Variants in GLIS3 observed in about 807,000 individuals in gnomAD.
The protein encoded by GLIS3 is zinc finger protein GLIS3.
Under a neutral mutation model 78.6 loss-of-function variants are expected in GLIS3, and 53 were observed. The ratio of observed to expected loss-of-function variants is 0.67; its 90% confidence interval spans 0.54 to 0.85. The LOEUF (loss-of-function observed/expected upper bound fraction) is 0.85. Among genes scored for constraint, GLIS3 ranks in the 40% least tolerant of loss-of-function variants. The pLI, the probability that GLIS3 is intolerant of heterozygous loss-of-function variation, is 0.00. For missense variants in GLIS3, 1,703 were observed against 1,231.1 expected (o/e 1.38, Z -5.74); for synonymous variants, 684 against 509.9 (o/e 1.34, Z -4.60).
At chr9:4,211,098 C>G (rs1476896269) in intron 2 of GLIS3, among the ~76,000 whole-genome samples, 3 of 152,218 alleles carry the variant, frequency 2.0e-5, no homozygotes, top group Non-Finnish European at 2.9e-5. Context: ...CCTTGAGCAT[C>G]TGCACCATCC....
At chr9:4,368,656 A>G in the GLIS3 span, among the ~76,000 whole-genome samples, 4 of 152,156 alleles carry the variant, frequency 2.6e-5, no homozygotes, top group Non-Finnish European at 4.4e-5. Context: ...CGGCCTGCAC[A>G]AGACCCCTCT....
chr9:4,304,215 G>A (rs1211590849), upstream of GLIS3, among the ~76,000 whole-genome samples: 1 of 152,188 alleles, frequency 6.6e-6, no homozygotes, highest in Non-Finnish European at 1.5e-5. Context: ...CTTTGAATGT[G>A]TGCAAACCAC....
intron 6 of GLIS3, among the ~76,000 whole-genome samples, chr9:3,918,114 T>C (rs1824642334): frequency 6.6e-6 from 1 of 152,202 alleles, no homozygotes; most frequent in Non-Finnish European, 1.5e-5. Flanking sequence ...ACTGGCAAGA[T>C]AGAGTCATGT....
intron 2 of GLIS3, chr9:4,285,719 G>A: frequency 2.7e-6 from 1 of 365,464 alleles, no homozygotes; most frequent in Admixed American, 3.8e-5. Context: ...GTATCCGGAG[G>A]GCATGATCTT....
At chr9:4,134,535 T>C (rs1833249516) in intron 2 of GLIS3, among the ~76,000 whole-genome samples, 1 of 152,212 alleles carries the variant, frequency 6.6e-6, no homozygotes, top group Middle Eastern at 3.2e-3. Context: ...AATAATACTA[T>C]ACACCCTACA....
intron 4 of GLIS3, among the ~76,000 whole-genome samples, chr9:4,016,100 G>A (rs561406642): frequency 2.0e-5 from 3 of 152,156 alleles, no homozygotes; most frequent in Non-Finnish European, 2.9e-5. Context: ...CTCTGCATAA[G>A]TCATCAAATG....
chr9:3,977,323 C>A lies in GLIS3; in HGVS notation c.1711-40134G>T, dbSNP rs945207805. Among the ~76,000 whole-genome samples the A allele has an allele frequency of 3.9e-5, 6 of 152,172 alleles. No individual in the cohort carries two copies. Among genetic ancestry groups the A allele is most frequent in the Non-Finnish European group, 8.8e-5 (6 of 68,030 alleles). ...GAGGAAAGCTCTTGGCTCTATCAGCCTTGCCATCTCTTTGTAGCAGAATAA... is the reference window on the plus strand; with the variant it reads ...GAGGAAAGCTCTTGGCTCTATCAGCATTGCCATCTCTTTGTAGCAGAATAA... On this transcript the variant is annotated intron_variant, in intron 4 of 10. Coordinates refer to ENST00000381971, the MANE Select transcript of GLIS3 (RefSeq NM_001042413.2). The surrounding 1 kb of genome is among the most constrained non-coding windows in gnomAD (Gnocchi z 4.1).
At chr9:4,326,571 C>G (rs1817603773) in intron 2 of GLIS3, among the ~76,000 whole-genome samples, 1 of 152,040 alleles carries the variant, frequency 6.6e-6, no homozygotes, top group African/African-American at 2.4e-5. Flanking sequence ...TTTATAGGTA[C>G]AGAGTTCCAG....
chr9:4,308,016 C>T (rs560412664), intron 4 of GLIS3, among the ~76,000 whole-genome samples: 1 of 152,136 alleles, frequency 6.6e-6, no homozygotes, highest in Non-Finnish European at 1.5e-5. Flanking sequence ...CTCCCTTCTC[C>T]CCCAGAACCA....
chr9:4,471,199 C>G, the GLIS3 span, among the ~76,000 whole-genome samples: 3 of 152,172 alleles, frequency 2.0e-5, no homozygotes, highest in South Asian at 2.1e-4. Context: ...TTTATAGATT[C>G]AATGCCATCC....
At chr9:4,143,169 C>G (rs1833936104) in intron 2 of GLIS3, among the ~76,000 whole-genome samples, 1 of 152,048 alleles carries the variant, frequency 6.6e-6, no homozygotes, top group Non-Finnish European at 1.5e-5. Context: ...CACTGTGAAA[C>G]AATTACCACA....
the GLIS3 span, among the ~76,000 whole-genome samples, chr9:4,477,254 G>C: frequency 1.5e-4 from 23 of 151,756 alleles, no homozygotes; most frequent in African/African-American, 5.6e-4. Flanking sequence ...ATTCTGACAC[G>C]AGTTTCAACA....
intron 2 of GLIS3, among the ~76,000 whole-genome samples, chr9:4,320,156 C>T (rs148578569): frequency 3.3e-5 from 5 of 152,296 alleles, no homozygotes; most frequent in Admixed American, 3.3e-4. Flanking sequence ...AGCCACCCCA[C>T]TTTTGACATG....
At chr9:3,902,664 A>T (rs747475478) in intron 6 of GLIS3, among the ~76,000 whole-genome samples, 8 of 152,156 alleles carry the variant, frequency 5.3e-5, no homozygotes, top group Non-Finnish European at 8.8e-5. Context: ...TAGGTCTGCG[A>T]TGCGTTTCTA....
At chr9:3,920,685 A>G (rs1238030778) in intron 6 of GLIS3, among the ~76,000 whole-genome samples, 1 of 151,852 alleles carries the variant, frequency 6.6e-6, no homozygotes, top group Non-Finnish European at 1.5e-5. Context: ...AGTACACAGA[A>G]ATGAAATCCG....
intron 9 of GLIS3, among the ~76,000 whole-genome samples, chr9:3,836,826 C>T (rs1236966487): frequency 6.6e-6 from 1 of 152,174 alleles, no homozygotes; most frequent in African/African-American, 2.4e-5. Flanking sequence ...CCACCGCTCA[C>T]CACCATCCCC....
At chr9:4,049,110 A>G (rs4741881) in intron 4 of GLIS3, among the ~76,000 whole-genome samples, 63,387 of 151,962 alleles carry the variant, frequency 0.42, 14,220 homozygotes, top group African/African-American at 0.57. Context: ...TATCACACAA[A>G]CACACAATGC....
intron 4 of GLIS3, among the ~76,000 whole-genome samples, chr9:4,065,014 A>G (rs183219900): frequency 1.3e-3 from 193 of 152,276 alleles, no homozygotes; most frequent in African/African-American, 4.5e-3. Flanking sequence ...ACTGTTACTA[A>G]TTTTTTAGAA....
intron 2 of GLIS3, among the ~76,000 whole-genome samples, chr9:4,279,708 T>C (rs904840467): frequency 0.017 from 1 of 60 alleles, no homozygotes; most frequent in Non-Finnish European, 0.031. Flanking sequence ...TCGGTTTGCT[T>C]AGCTGTGTGT....
Sources: gnomAD v4.1 joint callset for allele counts (sites outside exome capture counted in the v4.1 genomes callset) on GRCh38, gnomAD v4.1.1 for gene constraint, Gnocchi (gnomAD v3.1) non-coding constraint, MANE v1.5 for transcripts, NCBI Gene and HGNC (gene_info 2026-07-23, HGNC 2026-07-21) for gene names.